The following OPCML variants were observed in gnomAD, a reference collection of about 807,000 sequenced individuals.
OPCML encodes the protein opioid binding protein/cell adhesion molecule like.
In OPCML, 13 loss-of-function variants were observed where a neutral mutation model predicts 37.8. The observed-to-expected ratio is 0.34, with a 90% CI of 0.22 to 0.55. OPCML has a LOEUF of 0.55. OPCML is among the 20% of genes least tolerant of loss of function. The pLI, the probability that OPCML is intolerant of heterozygous loss-of-function variation, is 0.91. For missense variants in OPCML, 341 were observed against 435.6 expected (o/e 0.78, Z 1.93); for synonymous variants, 176 against 168.8 (o/e 1.04, Z -0.33).
At chr11:133,022,583 A>G (rs1208469241) in intron 1 of OPCML, among the ~76,000 whole-genome samples, 2 of 151,300 alleles carry the variant, frequency 1.3e-5, no homozygotes, top group Admixed American at 1.3e-4. Flanking sequence ...ATATGTACTC[A>G]TTCCAACGCA....
intron 2 of OPCML, among the ~76,000 whole-genome samples, chr11:132,694,335 A>G (rs1943524773): frequency 6.6e-6 from 1 of 151,640 alleles, no homozygotes; most frequent in East Asian, 2.0e-4. Context: ...AATAGCTGGG[A>G]CTACTGGTGC....
chr11:133,285,512 C>T (rs1346177831), intron 1 of OPCML, among the ~76,000 whole-genome samples: 1 of 152,130 alleles, frequency 6.6e-6, no homozygotes, highest in African/African-American at 2.4e-5. Context: ...GAAATAGTGT[C>T]AGACCTAACG....
chr11:133,146,348 C>G (rs1048671938), intron 1 of OPCML, among the ~76,000 whole-genome samples: 2 of 139,710 alleles, frequency 1.4e-5, no homozygotes, highest in Non-Finnish European at 3.0e-5. Context: ...GAGTTTCTCT[C>G]TTGTCGCCCA....
At chr11:132,687,479 C>A (rs1943217465) in intron 2 of OPCML, among the ~76,000 whole-genome samples, 1 of 135,450 alleles carries the variant, frequency 7.4e-6, no homozygotes, top group Non-Finnish European at 1.5e-5. Flanking sequence ...AATTTAAGAT[C>A]CTTAACATAA....
chr11:132,779,583 GAT>G (rs1170820940), intron 2 of OPCML, among the ~76,000 whole-genome samples: 3 of 151,860 alleles, frequency 2.0e-5, no homozygotes, highest in Non-Finnish European at 4.4e-5. Flanking sequence ...GAGAGAGAGA[GAT>G]AGGTAAAAGA....
chr11:132,486,970 C>T (rs1021478682), intron 4 of OPCML, among the ~76,000 whole-genome samples: 2 of 152,154 alleles, frequency 1.3e-5, no homozygotes, highest in Non-Finnish European at 2.9e-5. Flanking sequence ...ATTATTGGTA[C>T]TTAGTAAACA....
chr11:133,403,079 A>C (rs1945443323), intron 1 of OPCML, among the ~76,000 whole-genome samples: 1 of 152,138 alleles, frequency 6.6e-6, no homozygotes, highest in Admixed American at 6.5e-5. Context: ...GAGATGCCAA[A>C]TTTTTGTGCA....
At chr11:132,741,134 A>C (rs1392689392) in intron 2 of OPCML, among the ~76,000 whole-genome samples, 3 of 152,158 alleles carry the variant, frequency 2.0e-5, no homozygotes, top group Non-Finnish European at 4.4e-5. Context: ...TTTGAAACCC[A>C]GTATATCCTG....
At chr11:133,511,530 C>T (rs1384391362) in intron 1 of OPCML, among the ~76,000 whole-genome samples, 1 of 152,008 alleles carries the variant, frequency 6.6e-6, no homozygotes, top group African/African-American at 2.4e-5. Context: ...TCACTCATGC[C>T]CTGAGGTCTT....
chr11:133,072,004 G>A (rs1033250557), intron 1 of OPCML, among the ~76,000 whole-genome samples: 11 of 152,154 alleles, frequency 7.2e-5, no homozygotes, highest in African/African-American at 2.4e-4. Flanking sequence ...GGACGGCCCC[G>A]TACCACCAAT....
At chr11:133,524,781 A>G (rs1948457734) in intron 1 of OPCML, among the ~76,000 whole-genome samples, 1 of 152,228 alleles carries the variant, frequency 6.6e-6, no homozygotes, top group Non-Finnish European at 1.5e-5. Context: ...TTCCCTGCAC[A>G]TTCCCGTCTC....
chr11:132,435,308 G>A (rs998338868), intron 7 of OPCML: 2 of 1,227,390 alleles, frequency 1.6e-6, no homozygotes, highest in East Asian at 5.7e-5. Flanking sequence ...TTGTGTCTGA[G>A]GTGCACGTGG....
chr11:132,822,004 G>A (rs117621234), intron 2 of OPCML, among the ~76,000 whole-genome samples: 2,679 of 152,306 alleles, frequency 0.018, 35 homozygotes, highest in Middle Eastern at 0.031. Flanking sequence ...AAAATGGAAC[G>A]TAATCAGCCA....
chr11:133,184,580 T>A (rs754326473), intron 1 of OPCML, among the ~76,000 whole-genome samples: 2 of 152,138 alleles, frequency 1.3e-5, no homozygotes, highest in African/African-American at 2.4e-5. Flanking sequence ...CCCTCCGTTA[T>A]CTACTCATAA....
At chr11:133,072,390 G>A (rs974207011) in intron 1 of OPCML, among the ~76,000 whole-genome samples, 2 of 152,128 alleles carry the variant, frequency 1.3e-5, no homozygotes, top group South Asian at 2.1e-4. Context: ...AAAAGGCAAC[G>A]ACAGCATAAT....
intron 7 of OPCML, among the ~76,000 whole-genome samples, chr11:132,430,757 C>T (rs1425161333): frequency 6.6e-6 from 1 of 152,182 alleles, no homozygotes; most frequent in Non-Finnish European, 1.5e-5. Context: ...AGTCTCCCCC[C>T]TCCGTCTTGG....
intron 1 of OPCML, among the ~76,000 whole-genome samples, chr11:133,020,074 G>C (rs995189590): frequency 6.6e-6 from 1 of 152,244 alleles, no homozygotes; most frequent in Non-Finnish European, 1.5e-5. Context: ...GTCGGAATGA[G>C]CTGAGGGTTT....
At chr11:133,511,292 CA>C (rs144849990) in intron 1 of OPCML, among the ~76,000 whole-genome samples, 47 of 152,296 alleles carry the variant, frequency 3.1e-4, no homozygotes, top group African/African-American at 1.1e-3. Context: ...TTCTTTTAAA[CA>C]AAGCGAGTCC....
chr11:133,319,935 A>G (rs1292264792), intron 1 of OPCML, among the ~76,000 whole-genome samples: 1 of 152,232 alleles, frequency 6.6e-6, no homozygotes, highest in Non-Finnish European at 1.5e-5. Flanking sequence ...AGGCATATGC[A>G]TCAGGTTGGT....
Sources: gnomAD v4.1 joint callset for allele counts (sites outside exome capture counted in the v4.1 genomes callset) on GRCh38, gnomAD v4.1.1 for gene constraint, MANE v1.5 for transcripts, NCBI Gene and HGNC (gene_info 2026-07-23, HGNC 2026-07-21) for gene names.